Variants in RUNX1 observed in about 807,000 individuals in gnomAD.
RUNX1 encodes RUNX family transcription factor 1.
RUNX1 carries 19 observed loss-of-function variants against 42.8 expected under a neutral mutation model. The observed-to-expected ratio is 0.44, with a 90% CI of 0.31 to 0.65. RUNX1 has a LOEUF of 0.65. Among genes scored for constraint, RUNX1 ranks in the 30% least tolerant of loss-of-function variants. The probability of loss-of-function intolerance (pLI) is 0.07; values close to 1 mark genes in which losing one functional copy is unlikely to be tolerated. For synonymous variants in RUNX1, 271 were observed against 289.4 expected (o/e 0.94, Z 0.64); for missense variants, 528 against 672.0 (o/e 0.79, Z 2.37).
At chr21:34,894,072 T>C (rs1439440515) in intron 2 of RUNX1, among the ~76,000 whole-genome samples, 1 of 152,186 alleles carries the variant, frequency 6.6e-6, no homozygotes, top group Non-Finnish European at 1.5e-5. Flanking sequence ...AGAGAACTAA[T>C]CATTTGCACT....
rs565723087 is a variant in RUNX1 at position 34,980,981 on chromosome 21, C to T, written c.58+67861G>A. Among the ~76,000 whole-genome samples the T allele has an allele frequency of 5.3e-4, 80 of 152,288 alleles. 1 individual carries two copies. The highest frequency in any genetic ancestry group is 1.8e-3 in the African/African-American group (73 of 41,564). On this transcript the variant is annotated intron_variant, in intron 2 of 8. Transcript: ENST00000675419. ...AATTAGGTCACCAACTTAGAGAAGA[C>T]GTAGGCGGAAATTTAAACACCAAGT... is the stretch of plus-strand genomic sequence containing the variant.
At chr21:34,798,506 T>C (rs773533353) in intron 8 of RUNX1, among the ~76,000 whole-genome samples, 7 of 152,208 alleles carry the variant, frequency 4.6e-5, no homozygotes, top group African/African-American at 1.7e-4. Flanking sequence ...GGCCTCTGTA[T>C]GAACAGCGCT....
At chr21:34,821,289 G>T in intron 7 of RUNX1, 1 of 1,096,094 alleles carries the variant, frequency 9.1e-7, no homozygotes. Flanking sequence ...TAGTGAAAAA[G>T]AATAACATTG....
At chr21:34,954,947 T>C (rs1171538273) in intron 2 of RUNX1, among the ~76,000 whole-genome samples, 1 of 152,208 alleles carries the variant, frequency 6.6e-6, no homozygotes, top group Non-Finnish European at 1.5e-5. Flanking sequence ...TGAGAGGTGG[T>C]GCACCTTTGA....
intron 2 of RUNX1, among the ~76,000 whole-genome samples, chr21:34,934,978 C>T (rs2058474671): frequency 6.6e-6 from 1 of 152,096 alleles, no homozygotes; most frequent in African/African-American, 2.4e-5. Context: ...CTCTCCCTTA[C>T]TGCTATTATT....
rs367865805 is a variant in RUNX1 at position 34,990,212 on chromosome 21, C to G, written c.58+58630G>C. ...AGTAATCATCAGATATTTCATGCAG[C>G]TGGGTGAGGCATCAGATCCGACAAA... On this transcript the variant is annotated intron_variant, in intron 2 of 8. Coordinates refer to ENST00000675419, the MANE Select transcript of RUNX1 (RefSeq NM_001754.5). 2.4e-3 allele frequency among the ~76,000 whole-genome samples: 372 copies of G among 152,292 alleles called. 7 individuals carry two copies. The South Asian group carries it at 0.05, about 21-fold the overall frequency.
At chr21:35,035,262 G>A (rs906054708) in intron 2 of RUNX1, among the ~76,000 whole-genome samples, 4 of 152,186 alleles carry the variant, frequency 2.6e-5, no homozygotes, top group African/African-American at 7.2e-5. Context: ...TGAGGAAAAG[G>A]GAGAAACAGA....
chr21:34,876,506 A>T (rs2057816622), intron 5 of RUNX1, among the ~76,000 whole-genome samples: 1 of 152,210 alleles, frequency 6.6e-6, no homozygotes, highest in African/African-American at 2.4e-5. Context: ...TCCATAAATG[A>T]GTTCTGGTAG....
chr21:34,927,737 G>A lies in RUNX1; in HGVS notation c.59-34774C>T, dbSNP rs945830278. On this transcript the variant is annotated intron_variant, in intron 2 of 8. Coordinates refer to ENST00000675419, the MANE Select transcript of RUNX1 (RefSeq NM_001754.5). ...GTATAGACAGAGGGCCTGCCACATA[G>A]TAGGCTCGTGAAGGCTGTTGTCTGA... Among the ~76,000 whole-genome samples, 4 of 152,222 alleles carry A rather than the reference G, an allele frequency of 2.6e-5. No homozygotes were observed. The East Asian group carries it at 5.8e-4, about 22-fold the overall frequency.
At chr21:34,847,982 GA>G (rs755249828) in intron 6 of RUNX1, among the ~76,000 whole-genome samples, 6 of 151,810 alleles carry the variant, frequency 4.0e-5, no homozygotes, top group Non-Finnish European at 5.9e-5. Flanking sequence ...CACTTGAACA[GA>G]ATTCCATTTG....
chr21:34,949,839 T>G (rs2058593821), intron 2 of RUNX1, among the ~76,000 whole-genome samples: 1 of 152,224 alleles, frequency 6.6e-6, no homozygotes, highest in South Asian at 2.1e-4. Flanking sequence ...AGTACAAGGA[T>G]GAATAATACA....
intron 2 of RUNX1, among the ~76,000 whole-genome samples, chr21:34,994,531 T>C (rs1212847253): frequency 6.6e-6 from 1 of 152,110 alleles, no homozygotes; most frequent in East Asian, 1.9e-4. Flanking sequence ...ATACATGAGA[T>C]GTGTATAGGT....
chr21:35,014,693 C>T (rs2059147689), intron 2 of RUNX1, among the ~76,000 whole-genome samples: 1 of 152,222 alleles, frequency 6.6e-6, no homozygotes, highest in Non-Finnish European at 1.5e-5. Context: ...GTTAGCAAAT[C>T]GGAGCTTCCT....
chr21:35,001,085 T>C (rs1392533890), intron 2 of RUNX1, among the ~76,000 whole-genome samples: 3 of 152,214 alleles, frequency 2.0e-5, no homozygotes, highest in African/African-American at 7.2e-5. Flanking sequence ...GTTCCCTCCA[T>C]CTACCAGTCA....
chr21:34,852,169 AAAAACAAAAC>A (rs3831802), intron 6 of RUNX1, among the ~76,000 whole-genome samples: 19 of 151,092 alleles, frequency 1.3e-4, no homozygotes, highest in Admixed American at 2.6e-4. Context: ...CTCTGTCTCA[AAAAACAAAAC>A]AAAACAAAAC....
intron 2 of RUNX1, among the ~76,000 whole-genome samples, chr21:34,967,366 T>C (rs1398402673): frequency 8.5e-6 from 1 of 117,274 alleles, no homozygotes; most frequent in African/African-American, 2.9e-5. Flanking sequence ...GAATAGCGTT[T>C]TCCCATTGAG....
Position 34,799,328 on chromosome 21 carries a change from A to G in RUNX1, c.940T>C (p.Ser314Pro), listed in dbSNP as rs2145907535. The G allele has an allele frequency of 6.2e-7, 1 of 1,613,946 alleles. No individual in the cohort carries two copies. The highest frequency in any genetic ancestry group is 8.5e-7 in the Non-Finnish European group (1 of 1,179,874). Residue 314 changes from serine (S) to proline (P), a missense_variant, in exon 8 of 9, where the codon TCT (serine) becomes CCT (proline). By Grantham distance (74) the Ser-to-Pro change is moderately conservative (BLOSUM62 -1). This residue lies in a region of RUNX1 where 331 missense variants were observed against 382.5 expected (regional missense o/e 0.87). Transcript: ENST00000675419. ...PGRASGMTTL[S>P]AELSSRLSTA... ...GAGAGTCGACTGGAAAGTTCTGCAG[A>G]GAGGGTTGTCATGCCGCTGGCACGT...
intron 2 of RUNX1, among the ~76,000 whole-genome samples, chr21:34,981,815 G>T (rs1305275639): frequency 1.3e-5 from 2 of 152,110 alleles, no homozygotes; most frequent in African/African-American, 4.8e-5. Context: ...TTTCACAATG[G>T]CTGTATCTGT....
chr21:34,905,109 A>G (rs568173551), intron 2 of RUNX1, among the ~76,000 whole-genome samples: 1 of 152,302 alleles, frequency 6.6e-6, no homozygotes, highest in South Asian at 2.1e-4. Context: ...TAGTGCCCAG[A>G]CACCGTGCAC....
Sources: gnomAD v4.1 joint callset for allele counts (sites outside exome capture counted in the v4.1 genomes callset) on GRCh38, gnomAD v4.1.1 for gene constraint, gnomAD v4.1.1 regional missense constraint, MANE v1.5 for transcripts, NCBI Gene and HGNC (gene_info 2026-07-23, HGNC 2026-07-21) for gene names.